DPH6: variants seen among roughly 807,000 people sequenced by gnomAD.
DPH6 encodes the protein diphthamine biosynthesis 6, also known as diphthine--ammonia ligase.
DPH6 carries 33 observed loss-of-function variants against 38.2 expected under a neutral mutation model. The observed-to-expected ratio is 0.86, with a 90% CI of 0.65 to 1.15. The LOEUF (loss-of-function observed/expected upper bound fraction) is 1.15, where lower values mean the gene tolerates loss of function less well. Ranked by LOEUF, DPH6 falls within the 50% of genes most tolerant of loss-of-function variation. The pLI is 0.00. For synonymous variants in DPH6, 108 were observed against 103.0 expected, an observed-to-expected ratio of 1.05 and a Z score of -0.30; for missense variants, 325 against 320.0, an observed-to-expected ratio of 1.02 and a Z score of -0.12.
chr15:35,371,592 A>G lies in DPH6; in HGVS notation c.*558T>C. On this transcript the variant is annotated 3_prime_UTR_variant, in exon 9 of 9. Transcript: ENST00000256538. ...TTAATACTGAAAAACAGCATTTTAAAAATCAGTTATAAAATAACTTGTAAG... is the reference window on the plus strand; with the variant it reads ...TTAATACTGAAAAACAGCATTTTAAGAATCAGTTATAAAATAACTTGTAAG... 1.0e-6 allele frequency: 1 copy of G among 982,222 alleles called. No homozygotes were observed. Among genetic ancestry groups the G allele is most frequent in the Non-Finnish European group, 1.2e-6 (1 of 827,088 alleles). The allele number at this position is 982,222 out of a possible 1,614,324, so 60.8% of individuals were successfully genotyped here.
chr15:35,271,241 G>C (rs2051820514), intron 3 of DPH6, among the ~76,000 whole-genome samples: 1 of 150,574 alleles, frequency 6.6e-6, no homozygotes, highest in South Asian at 2.1e-4. Flanking sequence ...AAGGTCAATG[G>C]AGTTAAACAA....
At chr15:35,180,284 A>C in the DPH6 span, among the ~76,000 whole-genome samples, 1 of 152,144 alleles carries the variant, frequency 6.6e-6, no homozygotes, top group African/African-American at 2.4e-5. Flanking sequence ...GTAGAGAAAA[A>C]CAATGTATAT....
chr15:35,428,528 A>C (rs1427595998), intron 5 of DPH6, among the ~76,000 whole-genome samples: 2 of 152,146 alleles, frequency 1.3e-5, no homozygotes, highest in Non-Finnish European at 2.9e-5. Flanking sequence ...GACATGCAGT[A>C]GAATCTTGAA....
At chr15:35,359,025 T>A (rs757251544) in intron 3 of DPH6, among the ~76,000 whole-genome samples, 2 of 152,044 alleles carry the variant, frequency 1.3e-5, no homozygotes, top group Admixed American at 6.6e-5. Flanking sequence ...TAGGTGTGTG[T>A]GAGCTCAGAC....
chr15:35,486,843 G>T (rs1473111853), intron 3 of DPH6, among the ~76,000 whole-genome samples: 1 of 152,120 alleles, frequency 6.6e-6, no homozygotes, highest in African/African-American at 2.4e-5. Flanking sequence ...AGTCCCTTCT[G>T]CCTATGAGCC....
chr15:35,479,624 A>G (rs1333374518), intron 3 of DPH6, among the ~76,000 whole-genome samples: 15 of 152,098 alleles, frequency 9.9e-5, no homozygotes, highest in Admixed American at 9.8e-4. Context: ...CAAACTGGTC[A>G]CCAAGAGGTG....
At chr15:35,373,116 G>A (rs1171955223) in intron 8 of DPH6, among the ~76,000 whole-genome samples, 1 of 151,530 alleles carries the variant, frequency 6.6e-6, no homozygotes, top group Non-Finnish European at 1.5e-5. Context: ...TTTTTGTAAA[G>A]GTTTTATTTC....
chr15:35,229,644 A>G (rs2051503996), intron 3 of DPH6, among the ~76,000 whole-genome samples: 1 of 152,098 alleles, frequency 6.6e-6, no homozygotes, highest in South Asian at 2.1e-4. Flanking sequence ...TTAGGTATTT[A>G]TTATAGTCTT....
intron 3 of DPH6, among the ~76,000 whole-genome samples, chr15:35,515,194 T>A (rs1389077612): frequency 1.3e-5 from 2 of 152,126 alleles, no homozygotes; most frequent in African/African-American, 4.8e-5. Context: ...GTGTAAACAT[T>A]ATAAATAATA....
At chr15:35,263,879 T>G (rs1002631552) in intron 3 of DPH6, among the ~76,000 whole-genome samples, 1 of 151,608 alleles carries the variant, frequency 6.6e-6, no homozygotes, top group Non-Finnish European at 1.5e-5. Context: ...GCCTGGCTAA[T>G]TTTTTTTGTA....
At position 35,546,003 on chromosome 15, in the gene DPH6, G is replaced by C. The variant is rs867473055; in HGVS notation, c.23+116C>G. On this transcript the variant is annotated intron_variant, in intron 1 of 8. Transcript: ENST00000256538. ...CCTCTTCCTGTGGCTCGGAGGAGCC[G>C]CGGAACCCCCAACGCGCGACTCAGA... is the stretch of plus-strand genomic sequence containing the variant. 4.1e-6 allele frequency: 4 copies of C among 982,820 alleles called. No individual in the cohort carries two copies. In the Admixed American group the frequency reaches 1.2e-4, roughly 31 times the overall value. The allele number at this position is 982,820 out of a possible 1,614,324, so 60.9% of individuals were successfully genotyped here.
At chr15:35,482,231 C>T (rs1818140411) in intron 3 of DPH6, among the ~76,000 whole-genome samples, 1 of 152,184 alleles carries the variant, frequency 6.6e-6, no homozygotes, top group African/African-American at 2.4e-5. Context: ...GGCTGCAGTA[C>T]TAGCTGGGTG....
intron 3 of DPH6, among the ~76,000 whole-genome samples, chr15:35,476,499 T>C (rs918298908): frequency 6.6e-6 from 1 of 151,836 alleles, no homozygotes; most frequent in Non-Finnish European, 1.5e-5. Flanking sequence ...ACCAGAAAAT[T>C]AGAAAACTAT....
intron 5 of DPH6, among the ~76,000 whole-genome samples, chr15:35,417,515 T>C (rs2141006520): frequency 1.3e-5 from 1 of 74,570 alleles, no homozygotes; most frequent in South Asian, 5.3e-4. Flanking sequence ...AGAGAAACAT[T>C]TTAAAAAAAG....
rs1307066098 is a variant in DPH6, at chr15:35,522,539, C to CA, written c.312+15734dup. Among the ~76,000 whole-genome samples the CA allele has an allele frequency of 3.3e-5, 5 of 152,064 alleles. No homozygotes were observed. In the East Asian group the frequency reaches 9.6e-4, roughly 29 times the overall value. ...ATAAAATAATAAAATCTCTCACATA[C>CA]AAGCTTTCAAGAACCAACCCTGAAA... On this transcript the variant is annotated intron_variant, in intron 3 of 8. Coordinates refer to ENST00000256538, the MANE Select transcript of DPH6 (RefSeq NM_080650.4).
intron 3 of DPH6, among the ~76,000 whole-genome samples, chr15:35,483,018 G>T (rs1288506056): frequency 6.6e-6 from 1 of 151,958 alleles, no homozygotes; most frequent in East Asian, 1.9e-4. Context: ...CTATTAAATT[G>T]TATATTCAAA....
At chr15:35,300,575 C>G (rs1410249067) in intron 3 of DPH6, among the ~76,000 whole-genome samples, 2 of 152,128 alleles carry the variant, frequency 1.3e-5, no homozygotes, top group Non-Finnish European at 2.9e-5. Flanking sequence ...GCTTGAGCAA[C>G]TGGGTGAGTA....
chr15:35,390,846 A>T (rs2053045390), intron 6 of DPH6, among the ~76,000 whole-genome samples: 2 of 152,172 alleles, frequency 1.3e-5, no homozygotes, highest in South Asian at 4.1e-4. Flanking sequence ...TCAACTCGTC[A>T]AAGTGATTCT....
downstream of DPH6, among the ~76,000 whole-genome samples, chr15:35,326,111 T>A (rs918396853): frequency 6.6e-6 from 1 of 152,220 alleles, no homozygotes; most frequent in Non-Finnish European, 1.5e-5. Context: ...AAATTGGCAC[T>A]ATGAGTTTAG....
Sources: gnomAD v4.1 joint callset for allele counts (sites outside exome capture counted in the v4.1 genomes callset) on GRCh38, gnomAD v4.1.1 for gene constraint, MANE v1.5 for transcripts, NCBI Gene and HGNC (gene_info 2026-07-23, HGNC 2026-07-21) for gene names.